PTPRM: variants seen among roughly 807,000 people sequenced by gnomAD.
PTPRM encodes the protein receptor-type tyrosine-protein phosphatase mu.
PTPRM carries 47 observed loss-of-function variants against 186.7 expected under a neutral mutation model. The observed-to-expected ratio is 0.25, with a 90% CI of 0.20 to 0.32. The LOEUF is 0.32. PTPRM is among the 10% of genes least tolerant of loss of function. The pLI is 1.00. For missense variants in PTPRM, 1,494 were observed against 1,865.0 expected, an observed-to-expected ratio of 0.80 and a Z score of 3.66; for synonymous variants, 668 against 674.9, an observed-to-expected ratio of 0.99 and a Z score of 0.16.
intron 1 of PTPRM, among the ~76,000 whole-genome samples, chr18:7,626,006 A>G (rs1425244026): frequency 6.6e-6 from 1 of 152,070 alleles, no homozygotes; most frequent in East Asian, 1.9e-4. Flanking sequence ...TCTCAGCTTC[A>G]TTTTCCTGTA....
At chr18:8,096,089 C>T (rs1294177328) in intron 11 of PTPRM, among the ~76,000 whole-genome samples, 2 of 152,088 alleles carry the variant, frequency 1.3e-5, no homozygotes, top group Admixed American at 6.6e-5. Context: ...AATGACTGTA[C>T]GTGTTGAGGT....
chr18:7,800,046 G>A (rs549694100), intron 2 of PTPRM, among the ~76,000 whole-genome samples: 27 of 152,210 alleles, frequency 1.8e-4, no homozygotes, highest in African/African-American at 5.3e-4. Context: ...TTGGATTTGG[G>A]CATCTTACAA....
At chr18:8,010,835 C>G (rs1317567056) in intron 7 of PTPRM, among the ~76,000 whole-genome samples, 1 of 152,044 alleles carries the variant, frequency 6.6e-6, no homozygotes, top group South Asian at 2.1e-4. Flanking sequence ...TTTAAAGTGG[C>G]TTATAGAGAT....
intron 4 of PTPRM, among the ~76,000 whole-genome samples, chr18:7,913,046 C>A (rs1040482140): frequency 9.5e-6 from 1 of 105,494 alleles, no homozygotes; most frequent in Non-Finnish European, 1.9e-5. Flanking sequence ...TTTCAGAGTA[C>A]AAGTTCTGTT....
intron 31 of PTPRM, among the ~76,000 whole-genome samples, chr18:8,391,355 C>G (rs1459139373): frequency 2.0e-5 from 3 of 152,206 alleles, no homozygotes; most frequent in Non-Finnish European, 2.9e-5. Flanking sequence ...AAACATTCAT[C>G]AGCTGTTGGA....
chr18:7,841,213 A>G (rs1360965638), intron 2 of PTPRM, among the ~76,000 whole-genome samples: 1 of 150,186 alleles, frequency 6.7e-6, no homozygotes, highest in African/African-American at 2.4e-5. Context: ...GCTTCCTTAT[A>G]GGAATAGAAT....
chr18:8,378,408 A>G lies in PTPRM; in HGVS notation c.3606A>G (p.Glu1202=). ...PQTNSSQIKE[E]FRTLNMVTPT... ...CAAACTCAAGCCAGATTAAAGAGGA[A>G]TTCCGGGTAAGTGATGCCTAAGGGA... is the stretch of plus-strand genomic sequence containing the variant. The change falls in exon 27 of 33, where the codon GAA becomes GAG. Residue 1202 remains glutamate, a synonymous_variant. Transcript: ENST00000580170. The G allele has an allele frequency of 1.2e-6, 2 of 1,614,070 alleles. No homozygotes were observed. The highest frequency in any genetic ancestry group is 1.7e-6 in the Non-Finnish European group (2 of 1,179,970).
At chr18:7,994,451 A>G (rs1166250567) in intron 7 of PTPRM, among the ~76,000 whole-genome samples, 4 of 152,154 alleles carry the variant, frequency 2.6e-5, no homozygotes, top group Non-Finnish European at 5.9e-5. Context: ...GAAATATTGG[A>G]CTTAAACTAC....
chr18:8,085,957 G>A lies in PTPRM; in HGVS notation c.1753+85G>A, dbSNP rs926311600. On this transcript the variant is annotated intron_variant, in intron 10 of 32. Transcript: ENST00000580170. ...TCCCATTGTCAAGTATGCCAAGCTC[G>A]CCCACACTAACATTGTATCCAAAGG... 4.7e-5 allele frequency: 62 copies of A among 1,305,792 alleles called. 1 individual carries two copies. Among genetic ancestry groups the A allele is most frequent in the African/African-American group, 1.6e-4 (11 of 68,756 alleles). 80.9% of individuals were successfully genotyped at this position (1,305,792 alleles called of 1,614,324 possible). A position where few individuals can be genotyped will look rare whatever the true frequency, so the allele number is the denominator to read the frequency against.
At chr18:7,880,605 A>C (rs2048458928) in intron 2 of PTPRM, among the ~76,000 whole-genome samples, 1 of 152,210 alleles carries the variant, frequency 6.6e-6, no homozygotes, top group Non-Finnish European at 1.5e-5. Context: ...TCAGACTGAA[A>C]TGGGTGCTAA....
chr18:8,250,141 T>C (rs1350477411), intron 17 of PTPRM, among the ~76,000 whole-genome samples: 1 of 152,182 alleles, frequency 6.6e-6, no homozygotes, highest in African/African-American at 2.4e-5. Context: ...CACCTTCAGC[T>C]CCACCTCTCT....
intron 1 of PTPRM, among the ~76,000 whole-genome samples, chr18:7,596,234 A>G (rs536017331): frequency 1.3e-5 from 2 of 152,308 alleles, no homozygotes; most frequent in East Asian, 3.9e-4. Flanking sequence ...CTAAGTGACC[A>G]CTGGGCAGGG....
chr18:7,969,294 A>G (rs1468227296), intron 7 of PTPRM, among the ~76,000 whole-genome samples: 1 of 140,926 alleles, frequency 7.1e-6, no homozygotes, highest in Non-Finnish European at 1.5e-5. Context: ...AATCTCTGGG[A>G]CACATTCAAA....
At chr18:8,358,274 CAT>C (rs1491012715) in intron 23 of PTPRM, among the ~76,000 whole-genome samples, 2 of 151,074 alleles carry the variant, frequency 1.3e-5, no homozygotes, top group African/African-American at 4.9e-5. Context: ...CACACACACA[CAT>C]GCATACACTT....
At chr18:7,846,156 G>C (rs1029600834) in intron 2 of PTPRM, among the ~76,000 whole-genome samples, 4 of 152,140 alleles carry the variant, frequency 2.6e-5, no homozygotes, top group African/African-American at 9.7e-5. Context: ...GGGACCATAA[G>C]CTTTTTAGTC....
intron 1 of PTPRM, among the ~76,000 whole-genome samples, chr18:7,618,415 C>T (rs560795492): frequency 3.9e-5 from 6 of 152,228 alleles, no homozygotes; most frequent in African/African-American, 1.2e-4. Flanking sequence ...CTCACTTTAA[C>T]TCAGATTTAT....
intron 19 of PTPRM, among the ~76,000 whole-genome samples, chr18:8,255,651 G>C (rs559614779): frequency 2.0e-5 from 3 of 152,260 alleles, no homozygotes; most frequent in African/African-American, 7.2e-5. Context: ...AGGAAATAAT[G>C]AACAAAACAC....
intron 1 of PTPRM, among the ~76,000 whole-genome samples, chr18:7,740,026 A>T (rs545724852): frequency 6.6e-6 from 1 of 152,330 alleles, no homozygotes; most frequent in African/African-American, 2.4e-5. Context: ...AACTCATAAA[A>T]ATTAAGTAAA....
chr18:8,143,667 G>T lies in PTPRM; in HGVS notation c.2188G>T (p.Val730Phe). ...TTCAGGAGCTGCCACTCCGAAACCAGTCCCAGAACCCGAGAAACAGACAGA... is the reference window on the plus strand; with the variant it reads ...TTCAGGAGCTGCCACTCCGAAACCATTCCCAGAACCCGAGAAACAGACAGA... ...ATKGAATPKP[V>F]PEPEKQTDHT... Residue 730 changes from valine to phenylalanine, a missense_variant, in exon 14 of 33, where the codon GTC becomes TTC. Physicochemically the swap from Val to Phe is conservative, Grantham distance 50. Around this residue, in one of 3 missense-constraint regions of PTPRM, gnomAD observed 1,107 missense variants for 1,350.2 expected, o/e 0.82. Transcript: ENST00000580170. The T allele has an allele frequency of 6.2e-7, 1 of 1,604,036 alleles. No homozygotes were observed.
Sources: allele counts gnomAD v4.1 joint callset (sites outside exome capture counted in the v4.1 genomes callset), GRCh38; gene constraint gnomAD v4.1.1; regional missense constraint gnomAD v4.1.1; transcripts MANE v1.5; gene names NCBI Gene and HGNC (gene_info 2026-07-23, HGNC 2026-07-21).